The following ADAMTSL1 variants were observed in gnomAD, a reference collection of about 807,000 sequenced individuals.
ADAMTSL1 encodes the protein ADAMTS like 1, also known as ADAMTS-like protein 1.
A neutral mutation model predicts 201.8 loss-of-function variants in ADAMTSL1; 126 were observed. The ratio of observed to expected loss-of-function variants is 0.62; its 90% CI spans 0.54 to 0.72. The LOEUF (loss-of-function observed/expected upper bound fraction) is 0.72. ADAMTSL1 is among the 30% of genes least tolerant of loss of function. The pLI is 0.00. For missense variants in ADAMTSL1, 2,679 were observed against 2,277.8 expected (o/e 1.18, Z -3.59); for synonymous variants, 1,121 against 903.4 (o/e 1.24, Z -4.32).
intron 2 of ADAMTSL1, among the ~76,000 whole-genome samples, chr9:18,276,702 A>G (rs1321904304): frequency 1.3e-5 from 2 of 152,218 alleles, no homozygotes; most frequent in East Asian, 3.9e-4. Flanking sequence ...TGTATATCAC[A>G]TGATGAGAAC....
chr9:18,898,270 A>G (rs11515234), intron 26 of ADAMTSL1, among the ~76,000 whole-genome samples: 15,705 of 152,312 alleles, frequency 0.1, 889 homozygotes, highest in Middle Eastern at 0.21. Flanking sequence ...CGAGAATCAC[A>G]ATAAAACAGT....
intron 2 of ADAMTSL1, among the ~76,000 whole-genome samples, chr9:18,279,110 T>C (rs1035635566): frequency 2.0e-5 from 3 of 152,186 alleles, no homozygotes; most frequent in African/African-American, 7.2e-5. Flanking sequence ...TGTTCTCCTG[T>C]AGCTCACTGA....
chr9:18,071,847 T>C (rs762091578), intron 1 of ADAMTSL1, among the ~76,000 whole-genome samples: 1 of 152,164 alleles, frequency 6.6e-6, no homozygotes, highest in African/African-American at 2.4e-5. Flanking sequence ...TGGAGAGATA[T>C]TGTGAAGGGT....
At chr9:18,464,625 AG>A (rs1820931413) in intron 2 of ADAMTSL1, among the ~76,000 whole-genome samples, 1 of 152,252 alleles carries the variant, frequency 6.6e-6, no homozygotes, top group South Asian at 2.1e-4. Flanking sequence ...ATAAGGATAA[AG>A]AAAAACAATG....
chr9:18,906,556 C>T, intron 27 of ADAMTSL1, 136 bp from the exon 28 acceptor site: 1 of 705,756 alleles, frequency 1.4e-6, no homozygotes, highest in Non-Finnish European at 2.3e-6. Context: ...GCACAGAAAT[C>T]AGAATCCAGG....
intron 4 of ADAMTSL1, among the ~76,000 whole-genome samples, chr9:18,589,173 G>A (rs1329246823): frequency 1.3e-5 from 2 of 151,778 alleles, no homozygotes; most frequent in Non-Finnish European, 2.9e-5. Flanking sequence ...TGCCACACCT[G>A]GTCTTGTTAA....
intron 15 of ADAMTSL1, among the ~76,000 whole-genome samples, chr9:18,728,120 A>G (rs890569627): frequency 3.3e-5 from 4 of 121,492 alleles, no homozygotes; most frequent in Non-Finnish European, 7.4e-5. Flanking sequence ...AAATAAATAA[A>G]TAAATAAATA....
At chr9:17,913,747 C>T (rs527862428) in intron 1 of ADAMTSL1, among the ~76,000 whole-genome samples, 26 of 152,018 alleles carry the variant, frequency 1.7e-4, no homozygotes, top group Non-Finnish European at 3.1e-4. Context: ...GTTTTTTGAA[C>T]GGATCAACAA....
intron 1 of ADAMTSL1, among the ~76,000 whole-genome samples, chr9:18,133,661 C>T (rs1826040155): frequency 6.6e-6 from 1 of 152,062 alleles, no homozygotes; most frequent in South Asian, 2.1e-4. Context: ...AACCTGCATT[C>T]ACACCCAGGT....
At chr9:18,047,578 A>G (rs1348172194) in intron 1 of ADAMTSL1, among the ~76,000 whole-genome samples, 1 of 152,078 alleles carries the variant, frequency 6.6e-6, no homozygotes, top group African/African-American at 2.4e-5. Flanking sequence ...TTAGACCTCT[A>G]AAGAGGGGGC....
intron 1 of ADAMTSL1, among the ~76,000 whole-genome samples, chr9:18,142,235 C>A (rs1336992235): frequency 2.0e-5 from 3 of 152,194 alleles, no homozygotes; most frequent in Non-Finnish European, 2.9e-5. Flanking sequence ...GTTCCATGCT[C>A]CACACACAGA....
At chr9:18,578,044 G>A (rs186754747) in intron 4 of ADAMTSL1, among the ~76,000 whole-genome samples, 142 of 150,060 alleles carry the variant, frequency 9.5e-4, no homozygotes, top group African/African-American at 3.4e-3. Flanking sequence ...TCACAGCCCA[G>A]CGTTTGAAAG....
chr9:18,025,403 C>A (rs1365338840), intron 1 of ADAMTSL1, among the ~76,000 whole-genome samples: 1 of 152,034 alleles, frequency 6.6e-6, no homozygotes, highest in Non-Finnish European at 1.5e-5. Context: ...ACATTTAAGT[C>A]TTTAATTCAT....
At chr9:18,260,568 C>A (rs187934768) in intron 2 of ADAMTSL1, among the ~76,000 whole-genome samples, 5 of 152,346 alleles carry the variant, frequency 3.3e-5, no homozygotes, top group African/African-American at 1.2e-4. Context: ...CCATCCCAAC[C>A]TGAGGAGAAA....
chr9:18,216,518 A>G (rs1301062767), intron 2 of ADAMTSL1, among the ~76,000 whole-genome samples: 2 of 152,294 alleles, frequency 1.3e-5, no homozygotes, highest in East Asian at 1.9e-4. Context: ...CACACAGTTT[A>G]GGAGGTTGGC....
chr9:17,908,689 C>A (rs912947723), intron 1 of ADAMTSL1, among the ~76,000 whole-genome samples: 1 of 152,202 alleles, frequency 6.6e-6, no homozygotes, highest in Admixed American at 6.5e-5. Context: ...AACTCCTGGT[C>A]TCAGGTGATC....
In ADAMTSL1 at chr9:18,657,673, A is replaced by G. The variant is rs1192640235; in HGVS notation, c.869A>G (p.Gln290Arg). The change falls in exon 8 of 29, where the codon CAG becomes CGG. Residue 290 changes from glutamine to arginine, a missense_variant. Physicochemically the swap from Gln to Arg is conservative, Grantham distance 43. Transcript: ENST00000380548. ...RNSGSADSTV[Q>R]FIFYQPIIHR... ...TCGGGCTCCGCTGACAGTACAGTCC[A>G]GTTCATCTTCTATCAACCCATCATC... 1.2e-6 allele frequency: 2 copies of G among 1,614,212 alleles called. No homozygotes were observed. Among genetic ancestry groups the G allele is most frequent in the Non-Finnish European group, 1.7e-6 (2 of 1,180,028 alleles).
intron 22 of ADAMTSL1, among the ~76,000 whole-genome samples, chr9:18,828,660 T>TATATATATATATA (rs1554643932): frequency 3.0e-3 from 86 of 28,420 alleles, no homozygotes; most frequent in Non-Finnish European, 4.8e-3. Flanking sequence ...GAAAGTATAT[T>TATATATATATATA]TATATATATA....
chr9:18,138,300 C>A (rs1242212523), intron 1 of ADAMTSL1, among the ~76,000 whole-genome samples: 1 of 152,100 alleles, frequency 6.6e-6, no homozygotes, highest in African/African-American at 2.4e-5. Flanking sequence ...AGGTTTTAAA[C>A]CAGATATACA....
Sources: allele counts gnomAD v4.1 joint callset (sites outside exome capture counted in the v4.1 genomes callset), GRCh38; gene constraint gnomAD v4.1.1; transcripts MANE v1.5; gene names NCBI Gene and HGNC (gene_info 2026-07-23, HGNC 2026-07-21).